SYNE2: variants seen among roughly 807,000 people sequenced by gnomAD.
SYNE2 encodes the protein spectrin repeat containing nuclear envelope protein 2, also known as nesprin-2.
A neutral mutation model predicts 856.3 loss-of-function variants in SYNE2; 431 were observed. The ratio of observed to expected loss-of-function variants is 0.50; its 90% CI spans 0.47 to 0.55. SYNE2 has a LOEUF of 0.55. SYNE2 is among the 20% of genes least tolerant of loss of function. The pLI is 0.00. For missense variants in SYNE2, 8,129 were observed against 8,023.2 expected, an observed-to-expected ratio of 1.01 and a Z score of -0.50; for synonymous variants, 2,923 against 2,872.3, an observed-to-expected ratio of 1.02 and a Z score of -0.56.
rs2097894393 is a variant in SYNE2, at chr14:64,121,039, A to G, written c.13136A>G (p.Gln4379Arg). 2 of 1,614,088 alleles carry G rather than the reference A, an allele frequency of 1.2e-6. No individual in the cohort carries two copies. The highest frequency in any genetic ancestry group is 4.5e-5 in the East Asian group (2 of 44,866). ...ACTGAAAGGCCACAATTCAGCAGACAAAAAGATTTCCAGCAGCAACAGGTA... is the reference window on the plus strand; with the variant it reads ...ACTGAAAGGCCACAATTCAGCAGACGAAAAGATTTCCAGCAGCAACAGGTA... ...IVTERPQFSRQKDFQQQQVLE... is the reference protein window; with the variant it reads ...IVTERPQFSRRKDFQQQQVLE... The change falls in exon 68 of 116, where the codon CAA (glutamine) becomes CGA (arginine). Residue 4379 changes from glutamine (Q) to arginine (R), a missense_variant. Transcript: ENST00000555002.
intron 17 of SYNE2, 131 bp from the exon 18 acceptor site, chr14:63,983,606 T>C (rs2096603102): frequency 1.3e-6 from 1 of 760,262 alleles, no homozygotes; most frequent in South Asian, 1.8e-5. Flanking sequence ...GAAATGCTCA[T>C]ATTTTATAAC....
chr14:64,141,942 C>T lies in SYNE2; in HGVS notation c.15160C>T (p.Leu5054Phe). The T allele has an allele frequency of 6.2e-7, 1 of 1,613,852 alleles. No homozygotes were observed. Among genetic ancestry groups the T allele is most frequent in the Non-Finnish European group, 8.5e-7 (1 of 1,179,926 alleles). Reference protein sequence around the residue: ...LPDIQEKLHQLQMEKLPSRKA... With the variant: ...LPDIQEKLHQFQMEKLPSRKA... ...AATGGAAATCATTTTGTTCTTACAG[C>T]TTCAAATGGAGAAATTGCCGTCTCG... Residue 5054 changes from leucine (L) to phenylalanine (F), a missense_variant and splice_region_variant, in exon 82 of 116, where the codon CTT becomes TTT. Around this residue, in one of 3 missense-constraint regions of SYNE2, gnomAD observed 5,410 missense variants for 5,284.8 expected, o/e 1.02. Coordinates refer to ENST00000555002, the MANE Select transcript of SYNE2 (RefSeq NM_182914.3).
rs192061494 is a variant in SYNE2 at position 63,982,666 on chromosome 14, C to T, written c.1873C>T (p.His625Tyr). Residue 625 changes from histidine (H) to tyrosine (Y), a missense_variant, in exon 17 of 116, where the codon CAC becomes TAC. Around this residue, in one of 3 missense-constraint regions of SYNE2, gnomAD observed 2,422 missense variants for 2,357.4 expected, o/e 1.03. Transcript: ENST00000555002. ...FETLAQWNLEHATLNEAGNFL... is the reference protein window; with the variant it reads ...FETLAQWNLEYATLNEAGNFL... The stretch of plus-strand genomic sequence containing the variant: ...GACACTAGCCCAGTGGAATCTAGAA[C>T]ACGCTACTTTAAATGAAGCAGGAAA... 1.3e-3 allele frequency: 2,161 copies of T among 1,613,832 alleles called. 2 individuals are homozygous for T. Among genetic ancestry groups the T allele is most frequent in the Admixed American group, 1.6e-3 (98 of 59,984 alleles).
intron 101 of SYNE2, 90 bp downstream of exon 101, chr14:64,209,035 A>G (rs1370885053): frequency 6.7e-6 from 10 of 1,490,922 alleles, no homozygotes; most frequent in African/African-American, 1.4e-5. Context: ...TATTCTGTTC[A>G]TTTCACTTAG....
At chr14:63,835,043 C>A (rs1257755360) in intron 1 of SYNE2, among the ~76,000 whole-genome samples, 3 of 152,028 alleles carry the variant, frequency 2.0e-5, no homozygotes, top group African/African-American at 7.2e-5. Context: ...AATAAAGCTT[C>A]TTTTATTTAT....
chr14:63,897,492 T>A (rs191602185), intron 1 of SYNE2, among the ~76,000 whole-genome samples: 1 of 152,220 alleles, frequency 6.6e-6, no homozygotes. Flanking sequence ...TTACAAACAG[T>A]TCTACCCTGA....
At chr14:63,915,038 C>G (rs562480320) in intron 2 of SYNE2, among the ~76,000 whole-genome samples, 32 of 152,310 alleles carry the variant, frequency 2.1e-4, no homozygotes, top group African/African-American at 7.2e-4. Context: ...CTTGGCCTTC[C>G]AAAGTGCTGG....
At chr14:63,894,532 A>G (rs1199013477) in intron 1 of SYNE2, among the ~76,000 whole-genome samples, 1 of 152,066 alleles carries the variant, frequency 6.6e-6, no homozygotes, top group Non-Finnish European at 1.5e-5. Context: ...TTATAAAATA[A>G]CATGTGTTTG....
chr14:64,101,858 G>C, intron 63 of SYNE2, 74 bp from the exon 64 acceptor site: 1 of 1,086,720 alleles, frequency 9.2e-7, no homozygotes, highest in Non-Finnish European at 1.4e-6. Context: ...TATAAAAGAC[G>C]TGAGTGAGTA....
chr14:63,995,227 A>C, intron 23 of SYNE2, 25 bp downstream of exon 23: 2 of 1,593,544 alleles, frequency 1.3e-6, no homozygotes, highest in Non-Finnish European at 1.7e-6. Context: ...TTCCACTTAA[A>C]TTTTGTCATC....
intron 15 of SYNE2, 32 bp downstream of exon 15, chr14:63,980,764 G>A: frequency 7.1e-7 from 1 of 1,410,008 alleles, no homozygotes; most frequent in South Asian, 1.2e-5. Flanking sequence ...CTGATGGAAT[G>A]ACTGTCACTT....
chr14:64,106,357 T>C (rs1337168381), intron 64 of SYNE2, among the ~76,000 whole-genome samples: 4 of 152,100 alleles, frequency 2.6e-5, no homozygotes, highest in African/African-American at 9.7e-5. Flanking sequence ...AATTAATATA[T>C]TAAGAATATT....
At chr14:64,003,619 C>A (rs1367166902) in intron 30 of SYNE2, among the ~76,000 whole-genome samples, 1 of 152,174 alleles carries the variant, frequency 6.6e-6, no homozygotes, top group Non-Finnish European at 1.5e-5. Context: ...ACTTCCGATT[C>A]CCTTGTCCTT....
intron 95 of SYNE2, among the ~76,000 whole-genome samples, 171 bp downstream of exon 95, chr14:64,175,309 A>G (rs1043496801): frequency 1.3e-5 from 2 of 152,232 alleles, no homozygotes; most frequent in African/African-American, 4.8e-5. Context: ...ATGATATAGC[A>G]TTGCAAGAGC....
Position 64,225,630 on chromosome 14 carries a change from GGACCTGTGCA to G in SYNE2, c.*108_*117del. On this transcript the variant is annotated 3_prime_UTR_variant, in exon 116 of 116. Coordinates refer to ENST00000555002, the MANE Select transcript of SYNE2 (RefSeq NM_182914.3). ...GTGACTTAGTGTTGGCAAGGTCCCGGGACCTGTGCAGACTTCTTCTGGGCTTACCCAGCAC... is the reference window on the plus strand; with the variant it reads ...GTGACTTAGTGTTGGCAAGGTCCCGGGACTTCTTCTGGGCTTACCCAGCAC... 1 of 1,295,000 alleles carries G rather than the reference GGACCTGTGCA, an allele frequency of 7.7e-7. No individual in the cohort carries two copies. Among genetic ancestry groups the G allele is most frequent in the Non-Finnish European group, 1.1e-6 (1 of 911,808 alleles). The allele number at this position is 1,295,000 out of a possible 1,614,324, so 80.2% of individuals were successfully genotyped here.
At chr14:64,114,296 G>A (rs1288792331) in intron 66 of SYNE2, among the ~76,000 whole-genome samples, 3 of 152,062 alleles carry the variant, frequency 2.0e-5, no homozygotes, top group Non-Finnish European at 4.4e-5. Context: ...CAGCATAATC[G>A]AGTGTCACAA....
intron 2 of SYNE2, among the ~76,000 whole-genome samples, chr14:63,928,082 A>G (rs184481757): frequency 2.0e-5 from 3 of 151,990 alleles, no homozygotes; most frequent in African/African-American, 7.2e-5. Context: ...ACTCAGCAGT[A>G]GGGCTGGGGG....
chr14:63,986,003 A>T (rs2096622697), intron 18 of SYNE2, among the ~76,000 whole-genome samples: 1 of 152,238 alleles, frequency 6.6e-6, no homozygotes, highest in Non-Finnish European at 1.5e-5. Flanking sequence ...GCGAGACCTC[A>T]TATAGAAGAA....
chr14:64,041,675 C>T (rs1468399661), intron 45 of SYNE2, among the ~76,000 whole-genome samples: 3 of 151,758 alleles, frequency 2.0e-5, no homozygotes, highest in Non-Finnish European at 2.9e-5. Flanking sequence ...ATAGAAGACC[C>T]GATCTCTAGA....
Sources: allele counts gnomAD v4.1 joint callset (sites outside exome capture counted in the v4.1 genomes callset), GRCh38; gene constraint gnomAD v4.1.1; regional missense constraint gnomAD v4.1.1; transcripts MANE v1.5; gene names NCBI Gene and HGNC (gene_info 2026-07-23, HGNC 2026-07-21).